The following TENM2 variants were observed in gnomAD, a reference collection of about 807,000 sequenced individuals.
The protein encoded by TENM2 is teneurin-2.
A neutral mutation model predicts 245.2 loss-of-function variants in TENM2; 52 were observed. The observed-to-expected ratio is 0.21, with a 90% CI of 0.17 to 0.27. The LOEUF (loss-of-function observed/expected upper bound fraction) is 0.27. Among genes scored for constraint, TENM2 ranks in the 10% least tolerant of loss-of-function variants. The pLI, the probability that TENM2 is intolerant of heterozygous loss-of-function variation, is 1.00. For missense variants in TENM2, 3,046 were observed against 3,666.8 expected (o/e 0.83, Z 4.37); for synonymous variants, 1,363 against 1,438.9 (o/e 0.95, Z 1.19).
chr5:167,575,787 G>A (rs1294785535), intron 2 of TENM2, among the ~76,000 whole-genome samples: 1 of 152,248 alleles, frequency 6.6e-6, no homozygotes, highest in Non-Finnish European at 1.5e-5. Flanking sequence ...GCTGGTGGTA[G>A]CATAGTGAGT....
At chr5:167,828,129 A>G (rs7725172) in intron 2 of TENM2, among the ~76,000 whole-genome samples, 12,299 of 152,314 alleles carry the variant, frequency 0.081, 595 homozygotes, top group African/African-American at 0.12. Context: ...TCCTCAGGAA[A>G]GCCTTACAGA....
chr5:168,227,884 C>T lies in TENM2; in HGVS notation c.5285-11C>T, dbSNP rs773073677. 3 of 1,569,180 alleles carry T rather than the reference C, an allele frequency of 1.9e-6. No homozygotes were observed. Among genetic ancestry groups the T allele is most frequent in the East Asian group, 2.3e-5 (1 of 44,106 alleles). ...ATTTCCCTATCCCCACCCCCACTTA[C>T]ATTTTTCCAGATCAAGTTCGGAACA... On this transcript the variant is annotated splice_polypyrimidine_tract_variant and intron_variant, in intron 24 of 28. Transcript: ENST00000518659.
chr5:167,079,299 T>TATATA, the TENM2 span, among the ~76,000 whole-genome samples: 1 of 148,644 alleles, frequency 6.7e-6, no homozygotes, highest in Admixed American at 6.8e-5. Flanking sequence ...ATATTATATA[T>TATATA]ATATAATATA....
chr5:167,746,826 CTA>C (rs771928970), intron 2 of TENM2, among the ~76,000 whole-genome samples: 32 of 151,750 alleles, frequency 2.1e-4, no homozygotes, highest in Non-Finnish European at 4.1e-4. Context: ...GTGTGTGCGT[CTA>C]TGTGTGTGTG....
chr5:167,322,464 G>T (rs1220284265), intron 1 of TENM2, among the ~76,000 whole-genome samples: 1 of 152,106 alleles, frequency 6.6e-6, no homozygotes, highest in Non-Finnish European at 1.5e-5. Context: ...GTTGCTCCCT[G>T]ACTGTGTGAC....
At chr5:167,975,271 G>A (rs1782349944) in intron 4 of TENM2, among the ~76,000 whole-genome samples, 1 of 152,092 alleles carries the variant, frequency 6.6e-6, no homozygotes, top group African/African-American at 2.4e-5. Context: ...CCTTGCCTGG[G>A]GCCCTAGGAA....
At chr5:167,041,567 A>G in the TENM2 span, among the ~76,000 whole-genome samples, 1 of 152,232 alleles carries the variant, frequency 6.6e-6, no homozygotes, top group Non-Finnish European at 1.5e-5. Flanking sequence ...AATGTTGTGA[A>G]CAATTTAGCT....
chr5:168,097,907 C>T, intron 8 of TENM2, 119 bp from the exon 11 acceptor site: 1 of 699,904 alleles, frequency 1.4e-6, no homozygotes, highest in Non-Finnish European at 2.5e-6. Flanking sequence ...GACCGATCCC[C>T]TATGACAGGC....
the TENM2 span, among the ~76,000 whole-genome samples, chr5:167,094,768 C>A: frequency 2.0e-5 from 3 of 152,192 alleles, no homozygotes; most frequent in Non-Finnish European, 4.4e-5. Flanking sequence ...GTCTTTGCAA[C>A]TCTCAGATCC....
the TENM2 span, among the ~76,000 whole-genome samples, chr5:167,178,956 A>G: frequency 2.0e-5 from 3 of 152,190 alleles, no homozygotes; most frequent in African/African-American, 2.4e-5. Flanking sequence ...GCTCATTTTC[A>G]TTTCAGACTT....
At chr5:168,236,444 C>A (rs1297746452) in intron 25 of TENM2, among the ~76,000 whole-genome samples, 2 of 152,106 alleles carry the variant, frequency 1.3e-5, no homozygotes, top group African/African-American at 4.8e-5. Context: ...CATTTGCTGA[C>A]CCTCCCCACC....
At chr5:168,072,642 G>A (rs911327738) in intron 7 of TENM2, among the ~76,000 whole-genome samples, 1 of 152,078 alleles carries the variant, frequency 6.6e-6, no homozygotes. Context: ...TCCTGGTCTG[G>A]GTTTGAATCT....
chr5:167,690,923 ATGTGTGTGTGTGTGTGTGTGTG>A (rs375456466), intron 2 of TENM2, among the ~76,000 whole-genome samples: 82 of 78,784 alleles, frequency 1.0e-3, no homozygotes, highest in African/African-American at 3.5e-3. Flanking sequence ...ATATGCGAGT[ATGTGTGTGTGTGTGTGTGTGTG>A]TGTGTGTGTG....
intron 1 of TENM2, among the ~76,000 whole-genome samples, chr5:167,285,903 T>G (rs531708435): frequency 6.6e-6 from 1 of 152,280 alleles, no homozygotes; most frequent in Non-Finnish European, 1.5e-5. Context: ...CCTCATTTGT[T>G]TTATAACACT....
intron 3 of TENM2, among the ~76,000 whole-genome samples, chr5:167,936,405 T>C (rs1308680877): frequency 6.6e-6 from 1 of 152,248 alleles, no homozygotes; most frequent in Non-Finnish European, 1.5e-5. Context: ...ATAGGACTTT[T>C]ACTGAGAGGT....
At chr5:167,599,031 A>G (rs1457387507) in intron 2 of TENM2, among the ~76,000 whole-genome samples, 1 of 152,228 alleles carries the variant, frequency 6.6e-6, no homozygotes, top group Non-Finnish European at 1.5e-5. Context: ...TTTGAGCTAT[A>G]AAATGAATGC....
chr5:167,652,968 C>T (rs188204626), intron 2 of TENM2, among the ~76,000 whole-genome samples: 2 of 152,270 alleles, frequency 1.3e-5, no homozygotes, highest in African/African-American at 4.8e-5. Context: ...GAGTCTAATG[C>T]AACCTGACCC....
intron 2 of TENM2, among the ~76,000 whole-genome samples, chr5:167,447,155 T>C (rs1765276785): frequency 6.6e-6 from 1 of 152,206 alleles, no homozygotes; most frequent in Non-Finnish European, 1.5e-5. Context: ...AAAGCTTCTG[T>C]GTGCCTCTAG....
chr5:167,208,306 C>T, the TENM2 span, among the ~76,000 whole-genome samples: 1 of 152,134 alleles, frequency 6.6e-6, no homozygotes, highest in African/African-American at 2.4e-5. Flanking sequence ...CTAAGATAAA[C>T]CTACATACTT....
Sources: gnomAD v4.1 joint callset for allele counts (sites outside exome capture counted in the v4.1 genomes callset) on GRCh38, gnomAD v4.1.1 for gene constraint, MANE v1.5 for transcripts, NCBI Gene and HGNC (gene_info 2026-07-23, HGNC 2026-07-21) for gene names.